NUP188: variants seen among roughly 807,000 people sequenced by gnomAD.
NUP188 encodes the protein nucleoporin 188.
NUP188 carries 97 observed loss-of-function variants against 223.0 expected under a neutral mutation model. The ratio of observed to expected loss-of-function variants is 0.43; its 90% CI spans 0.37 to 0.51. The LOEUF is 0.51. Among genes scored for constraint, NUP188 ranks in the 20% least tolerant of loss-of-function variants. NUP188 has a pLI of 0.00. For synonymous variants in NUP188, 869 were observed against 828.0 expected (o/e 1.05, Z -0.85); for missense variants, 1,947 against 2,175.6 (o/e 0.89, Z 2.09).
chr9:128,958,122 C>T, intron 6 of NUP188, 68 bp downstream of exon 6: 7 of 1,243,556 alleles, frequency 5.6e-6, no homozygotes, highest in Non-Finnish European at 7.0e-6. Flanking sequence ...CCTCATTTTC[C>T]TGAGCATTGC....
rs369953169 is a variant in NUP188 at position 128,995,350 on chromosome 9, C to A, written c.3187C>A (p.Leu1063Met). The A allele has an allele frequency of 1.2e-6, 2 of 1,614,006 alleles. No homozygotes were observed. Among genetic ancestry groups the A allele is most frequent in the Non-Finnish European group, 1.7e-6 (2 of 1,179,974 alleles). ...GSLDQSLKDT[L>M]KKFSIEKRFA... ...ATTAGACCAGTCATTAAAGGATACACTGAAGAAATTTTCCATCGAGAAACG... is the reference window on the plus strand; with the variant it reads ...ATTAGACCAGTCATTAAAGGATACAATGAAGAAATTTTCCATCGAGAAACG... The change falls in exon 30 of 44, where the codon CTG (leucine) becomes ATG (methionine). Residue 1063 changes from leucine (L) to methionine (M), a missense_variant. Around this residue, in one of 3 missense-constraint regions of NUP188, gnomAD observed 905 missense variants for 990.6 expected, o/e 0.91. Transcript: ENST00000372577.
intron 42 of NUP188, 49 bp from the exon 43 acceptor site, chr9:129,006,190 G>A: frequency 6.2e-7 from 1 of 1,614,080 alleles, no homozygotes; most frequent in Non-Finnish European, 8.5e-7. Flanking sequence ...CTCAAGCTTG[G>A]CCAGCCTGGC....
Position 128,995,313 on chromosome 9 carries a change from C to T in NUP188, c.3156-6C>T. The T allele has an allele frequency of 6.2e-7, 1 of 1,610,410 alleles. No individual in the cohort carries two copies. The highest frequency in any genetic ancestry group is 8.5e-7 in the Non-Finnish European group (1 of 1,176,764). Reference sequence around the variant, plus strand: ...TCTAACTGGAGGTTTTTTCTTGACACTGTAGGGGTTCATTAGACCAGTCAT... The same window carrying T: ...TCTAACTGGAGGTTTTTTCTTGACATTGTAGGGGTTCATTAGACCAGTCAT... On this transcript the variant is annotated splice_polypyrimidine_tract_variant and splice_region_variant and intron_variant, in intron 29 of 43. Coordinates refer to ENST00000372577, the MANE Select transcript of NUP188 (RefSeq NM_015354.3).
intron 10 of NUP188, among the ~76,000 whole-genome samples, chr9:128,969,845 G>A (rs1245399215): frequency 6.6e-6 from 1 of 151,984 alleles, no homozygotes; most frequent in Admixed American, 6.6e-5. Flanking sequence ...TTTTGGCCAA[G>A]AGGTCTCAAT....
chr9:128,961,590 C>CTATCTAGATAGATAGATAGATAGA (rs1554828101), intron 8 of NUP188, among the ~76,000 whole-genome samples: 2 of 138,124 alleles, frequency 1.4e-5, no homozygotes, highest in African/African-American at 5.9e-5. Flanking sequence ...ATCTATCTAT[C>CTATCTAGATAGATAGATAGATAGA]TAGATAGATA....
intron 8 of NUP188, among the ~76,000 whole-genome samples, chr9:128,966,637 G>A (rs551528170): frequency 1.3e-5 from 2 of 152,170 alleles, no homozygotes; most frequent in South Asian, 2.1e-4. Context: ...TATAGCAGAC[G>A]AAACATCTTA....
intron 31 of NUP188, 58 bp from the exon 32 acceptor site, chr9:128,998,480 T>A: frequency 2.1e-6 from 3 of 1,448,092 alleles, no homozygotes; most frequent in Non-Finnish European, 2.9e-6. Flanking sequence ...GGAGGTGCCC[T>A]GTGGATGGCA....
chr9:128,984,519 G>A (rs1842305628), intron 19 of NUP188, among the ~76,000 whole-genome samples: 1 of 152,066 alleles, frequency 6.6e-6, no homozygotes, highest in Non-Finnish European at 1.5e-5. Context: ...CTAGATTCAG[G>A]GACTTGGTGT....
intron 19 of NUP188, among the ~76,000 whole-genome samples, chr9:128,984,403 G>A (rs1001525238): frequency 2.0e-5 from 3 of 152,286 alleles, no homozygotes; most frequent in South Asian, 2.1e-4. Context: ...TGGGATTACA[G>A]GCATGAGCCA....
chr9:128,951,660 T>G (rs573656050), intron 2 of NUP188, among the ~76,000 whole-genome samples: 95 of 152,288 alleles, frequency 6.2e-4, no homozygotes, highest in African/African-American at 2.0e-3. Context: ...GTTAAGTCAT[T>G]ATGTTATAAT....
intron 25 of NUP188, 127 bp from the exon 26 acceptor site, chr9:128,993,070 A>T: frequency 1.4e-6 from 1 of 735,766 alleles, no homozygotes; most frequent in South Asian, 1.6e-5. Flanking sequence ...CTTTTAGCCC[A>T]GAGCTGTAGT....
chr9:129,005,992 T>C (rs920353641), intron 41 of NUP188, 58 bp from the exon 42 acceptor site: 1 of 1,581,272 alleles, frequency 6.3e-7, no homozygotes, highest in Non-Finnish European at 8.7e-7. Flanking sequence ...AGTAGGAAGC[T>C]CTCAGTAAGT....
chr9:128,997,195 G>A (rs1369657892), intron 30 of NUP188, among the ~76,000 whole-genome samples: 1 of 152,146 alleles, frequency 6.6e-6, no homozygotes, highest in Non-Finnish European at 1.5e-5. Flanking sequence ...CTAGGCAGAT[G>A]GACTTGCAAG....
chr9:128,998,417 C>T (rs1230701186), intron 31 of NUP188, 121 bp from the exon 32 acceptor site: 1 of 1,039,072 alleles, frequency 9.6e-7, no homozygotes, highest in Non-Finnish European at 1.5e-6. Flanking sequence ...TGGCTTCTCC[C>T]CCTCCACTCC....
intron 8 of NUP188, among the ~76,000 whole-genome samples, chr9:128,961,594 A>ATCTATCTATC (rs1564551959): frequency 7.2e-6 from 1 of 138,726 alleles, no homozygotes; most frequent in African/African-American, 3.2e-5. Flanking sequence ...ATCTATCTAG[A>ATCTATCTATC]TAGATAGATA....
chr9:128,956,149 A>G (rs535112325), intron 3 of NUP188, among the ~76,000 whole-genome samples: 1 of 151,052 alleles, frequency 6.6e-6, no homozygotes, highest in African/African-American at 2.4e-5. Flanking sequence ...AGGCATAACC[A>G]GTTCTGCGTT....
Position 128,968,792 on chromosome 9 carries a change from A to T in NUP188, c.797+75A>T, listed in dbSNP as rs1175802782. On this transcript the variant is annotated intron_variant, in intron 9 of 43. Coordinates refer to ENST00000372577, the MANE Select transcript of NUP188 (RefSeq NM_015354.3). ...ATACTATAGTGGTATGTAAGCAGGT[A>T]GGGGGTAGGTGTACTTTTCACTTAA... 8 of 1,142,440 alleles carry T rather than the reference A, an allele frequency of 7.0e-6. No individual in the cohort carries two copies. In the African/African-American group the frequency reaches 7.7e-5, roughly 11 times the overall value. The allele number at this position is 1,142,440 out of a possible 1,614,324, so 70.8% of individuals were successfully genotyped here.
chr9:129,003,136 G>A (rs1731263966), intron 37 of NUP188, among the ~76,000 whole-genome samples, 161 bp downstream of exon 37: 1 of 152,232 alleles, frequency 6.6e-6, no homozygotes, highest in South Asian at 2.1e-4. Context: ...TCACTGGCCA[G>A]CTAGTCTGCT....
chr9:128,960,092 C>T (rs867879144), intron 8 of NUP188, among the ~76,000 whole-genome samples: 5 of 116,106 alleles, frequency 4.3e-5, no homozygotes, highest in Middle Eastern at 7.6e-3. Flanking sequence ...GAGACAGAGT[C>T]TCACTCTGTT....
Sources: allele counts gnomAD v4.1 joint callset (sites outside exome capture counted in the v4.1 genomes callset), GRCh38; gene constraint gnomAD v4.1.1; regional missense constraint gnomAD v4.1.1; transcripts MANE v1.5; gene names NCBI Gene and HGNC (gene_info 2026-07-23, HGNC 2026-07-21).